Variants in SDK1 observed in about 807,000 individuals in gnomAD.
The protein encoded by SDK1 is sidekick cell adhesion molecule 1, also known as protein sidekick-1.
Under a neutral mutation model 245.5 loss-of-function variants are expected in SDK1, and 157 were observed. The ratio of observed to expected loss-of-function variants is 0.64; its 90% CI spans 0.56 to 0.73. The LOEUF is 0.73. Among genes scored for constraint, SDK1 ranks in the 30% least tolerant of loss-of-function variants. The pLI is 0.00. For synonymous variants in SDK1, 1,647 were observed against 1,278.5 expected (o/e 1.29, Z -6.15); for missense variants, 3,583 against 3,002.3 (o/e 1.19, Z -4.52).
intron 17 of SDK1, among the ~76,000 whole-genome samples, chr7:4,047,257 G>A (rs1789089055): frequency 6.6e-6 from 1 of 151,950 alleles, no homozygotes; most frequent in Non-Finnish European, 1.5e-5. Flanking sequence ...ATGTTCATAT[G>A]TTTTTCTATT....
intron 44 of SDK1, among the ~76,000 whole-genome samples, chr7:4,252,009 AC>A (rs1444534359): frequency 2.0e-5 from 3 of 152,224 alleles, no homozygotes; most frequent in African/African-American, 4.8e-5. Flanking sequence ...TGTTAAACCA[AC>A]CTTGCATTCC....
At chr7:4,162,906 C>T (rs1781245628) in intron 32 of SDK1, among the ~76,000 whole-genome samples, 1 of 152,192 alleles carries the variant, frequency 6.6e-6, no homozygotes, top group Non-Finnish European at 1.5e-5. Flanking sequence ...GACAAAACTG[C>T]CCAAGGAAGG....
At chr7:3,383,998 T>C (rs1453198577) in intron 1 of SDK1, among the ~76,000 whole-genome samples, 1 of 152,216 alleles carries the variant, frequency 6.6e-6, no homozygotes, top group East Asian at 1.9e-4. Flanking sequence ...TCATTTATTA[T>C]CCTTATAGAA....
At chr7:3,348,060 C>G (rs748921823) in intron 1 of SDK1, among the ~76,000 whole-genome samples, 3 of 152,176 alleles carry the variant, frequency 2.0e-5, no homozygotes, top group Non-Finnish European at 2.9e-5. Context: ...CAGCCCTGCA[C>G]TTCTGTGAGG....
chr7:3,500,907 G>T (rs1245286451), intron 1 of SDK1, among the ~76,000 whole-genome samples: 1 of 151,384 alleles, frequency 6.6e-6, no homozygotes, highest in Non-Finnish European at 1.5e-5. Context: ...TAATTATTAA[G>T]AATTCTTTTT....
chr7:3,369,883 G>A (rs986193166), intron 1 of SDK1, among the ~76,000 whole-genome samples: 57 of 152,180 alleles, frequency 3.7e-4, no homozygotes, highest in African/African-American at 1.3e-3. Context: ...GTATTTCAGG[G>A]CAGCACCTAG....
chr7:3,709,093 A>T (rs1249236531), intron 4 of SDK1, among the ~76,000 whole-genome samples: 1 of 152,198 alleles, frequency 6.6e-6, no homozygotes, highest in Non-Finnish European at 1.5e-5. Flanking sequence ...TTTGTTTCAG[A>T]ATTCAGAACT....
At chr7:3,890,871 G>C (rs188816503) in intron 5 of SDK1, among the ~76,000 whole-genome samples, 1 of 152,282 alleles carries the variant, frequency 6.6e-6, no homozygotes, top group East Asian at 1.9e-4. Context: ...GAACCCAGGA[G>C]GGGGAGGTTG....
At chr7:3,735,810 C>T (rs372296961) in intron 4 of SDK1, among the ~76,000 whole-genome samples, 22 of 152,316 alleles carry the variant, frequency 1.4e-4, no homozygotes, top group African/African-American at 5.3e-4. Flanking sequence ...TCTCCAGTTT[C>T]CCCATATCCA....
intron 40 of SDK1, among the ~76,000 whole-genome samples, chr7:4,231,140 T>A (rs560621343): frequency 1.3e-5 from 2 of 152,252 alleles, no homozygotes; most frequent in South Asian, 4.1e-4. Context: ...ATAAACTACA[T>A]ACAGCCAGCA....
chr7:3,985,238 A>C (rs1402818348), intron 13 of SDK1, among the ~76,000 whole-genome samples: 1 of 152,234 alleles, frequency 6.6e-6, no homozygotes, highest in African/African-American at 2.4e-5. Flanking sequence ...TCACTCAGGA[A>C]ACTAAAACAG....
chr7:3,744,729 G>A (rs770189824), intron 4 of SDK1, among the ~76,000 whole-genome samples: 5 of 151,806 alleles, frequency 3.3e-5, no homozygotes, highest in East Asian at 1.9e-4. Context: ...GGAGAATGGC[G>A]TGAACCCGGG....
chr7:3,971,485 C>A lies in SDK1; in HGVS notation c.1734C>A (p.His578Gln). ...TTTCAGATCGGACGTCCATCGTCCA[C>A]CCTCCTGAGGACCACGTGGTGATTA... is the stretch of plus-strand genomic sequence containing the variant. ...LTVWNRTSIV[H>Q]PPEDHVVIKG... The change falls in exon 12 of 45, where the codon CAC (histidine) becomes CAA (glutamine). Residue 578 changes from histidine (H) to glutamine (Q), a missense_variant. His to Gln is a conservative substitution (Grantham distance 24, BLOSUM62 0). Transcript: ENST00000404826. 1 of 1,613,052 alleles carries A rather than the reference C, an allele frequency of 6.2e-7. No homozygotes were observed. The highest frequency in any genetic ancestry group is 8.5e-7 in the Non-Finnish European group (1 of 1,179,302).
At chr7:3,445,522 A>G (rs1780316693) in intron 1 of SDK1, among the ~76,000 whole-genome samples, 2 of 152,284 alleles carry the variant, frequency 1.3e-5, no homozygotes, top group Admixed American at 6.5e-5. Context: ...ATAATTATAG[A>G]TGTGTAAGGA....
intron 17 of SDK1, among the ~76,000 whole-genome samples, chr7:4,040,984 G>T (rs1219382031): frequency 6.6e-6 from 1 of 152,220 alleles, no homozygotes; most frequent in Non-Finnish European, 1.5e-5. Context: ...GAAAAGAAAT[G>T]ATTTGGGAGC....
At chr7:3,550,105 C>T (rs1410070922) in intron 1 of SDK1, among the ~76,000 whole-genome samples, 1 of 151,958 alleles carries the variant, frequency 6.6e-6, no homozygotes. Flanking sequence ...TATACATGGG[C>T]ATGCATGCAT....
Position 3,526,307 on chromosome 7 carries a change from A to G in SDK1, c.299-92773A>G, listed in dbSNP as rs187620815. Among the ~76,000 whole-genome samples the G allele has an allele frequency of 2.6e-3, 403 of 152,144 alleles. 2 individuals carry two copies. The highest frequency in any genetic ancestry group is 9.2e-3 in the African/African-American group (383 of 41,508). On this transcript the variant is annotated intron_variant, in intron 1 of 44. Coordinates refer to ENST00000404826, the MANE Select transcript of SDK1 (RefSeq NM_152744.4). The stretch of plus-strand genomic sequence containing the variant: ...TACTGTCCAGTTTTACATATAATTT[A>G]CCATGGATTTTTTAATTAGGATACC...
At chr7:4,007,515 C>G (rs1002911999) in intron 14 of SDK1, among the ~76,000 whole-genome samples, 2 of 152,038 alleles carry the variant, frequency 1.3e-5, no homozygotes, top group African/African-American at 4.8e-5. Context: ...CACCCTGGGC[C>G]AAGCTTACAG....
At chr7:3,339,214 T>C (rs1174038462) in intron 1 of SDK1, among the ~76,000 whole-genome samples, 1 of 152,020 alleles carries the variant, frequency 6.6e-6, no homozygotes, top group East Asian at 1.9e-4. Context: ...GATCAAATAA[T>C]GAACACATTA....
Sources: allele counts gnomAD v4.1 joint callset (sites outside exome capture counted in the v4.1 genomes callset), GRCh38; gene constraint gnomAD v4.1.1; transcripts MANE v1.5; gene names NCBI Gene and HGNC (gene_info 2026-07-23, HGNC 2026-07-21).